RGPD3: variants seen among roughly 807,000 people sequenced by gnomAD.
RGPD3 encodes RANBP2 like and GRIP domain containing 3, also known as ranBP2-like and GRIP domain-containing protein 3.
In RGPD3, 62 loss-of-function variants were observed where a neutral mutation model predicts 154.5. That is an observed-to-expected ratio of 0.40 (90% confidence interval 0.33 to 0.50). The LOEUF is 0.50. RGPD3 is among the 20% of genes least tolerant of loss of function. The pLI is 0.59. For missense variants in RGPD3, 919 were observed against 1,716.8 expected, an observed-to-expected ratio of 0.54 and a Z score of 8.21; for synonymous variants, 308 against 607.0, an observed-to-expected ratio of 0.51 and a Z score of 7.24.
In RGPD3 at chr2:106,442,498, A is replaced by G. The variant is rs913596361; in HGVS notation, c.979-1118T>C. Among the ~76,000 whole-genome samples, 369 of 30,068 alleles carry G rather than the reference A, an allele frequency of 0.012. 13 individuals are homozygous for G. In the East Asian group the frequency reaches 0.17, roughly 14 times the overall value. The allele number at this position is 30,068 out of a possible 152,430, so 19.7% of individuals were successfully genotyped here. Reference sequence around the variant, plus strand: ...AGAGATCCTAATGCAATAACCTATGAAAAAAAAAAAAAAAGCATGATGAAT... The same window carrying G: ...AGAGATCCTAATGCAATAACCTATGGAAAAAAAAAAAAAAGCATGATGAAT... On this transcript the variant is annotated intron_variant, in intron 7 of 22. Transcript: ENST00000409886.
chr2:106,463,407 G>A (rs536000425), intron 1 of RGPD3, among the ~76,000 whole-genome samples: 601 of 151,478 alleles, frequency 4.0e-3, no homozygotes, highest in Admixed American at 0.017. Context: ...CCCGGGAGGC[G>A]GAGGTTGTGG....
intron 1 of RGPD3, among the ~76,000 whole-genome samples, chr2:106,465,383 T>C (rs1326105516): frequency 6.6e-6 from 1 of 151,792 alleles, no homozygotes; most frequent in East Asian, 2.0e-4. Context: ...AAAAAGACTC[T>C]AAGTGTAAGA....
intron 8 of RGPD3, 37 bp downstream of exon 8, chr2:106,441,256 T>G (rs1270699076): frequency 6.5e-7 from 1 of 1,545,348 alleles, no homozygotes; most frequent in Non-Finnish European, 8.8e-7. Context: ...AAATTCCTTT[T>G]TCTTTTTAAA....
chr2:106,411,870 G>A (rs1320286166), intron 22 of RGPD3, among the ~76,000 whole-genome samples: 1 of 152,034 alleles, frequency 6.6e-6, no homozygotes, highest in African/African-American at 2.4e-5. Context: ...TCAACCAAAT[G>A]CAATATATGA....
intron 20 of RGPD3, 90 bp downstream of exon 20, chr2:106,422,953 C>T (rs540003588): frequency 5.0e-6 from 8 of 1,598,760 alleles, no homozygotes; most frequent in Non-Finnish European, 6.8e-6. Flanking sequence ...TCGTTCATAT[C>T]CCAACATTAG....
intron 1 of RGPD3, among the ~76,000 whole-genome samples, chr2:106,467,589 T>A: frequency 1.8e-5 from 2 of 111,524 alleles, no homozygotes; most frequent in Admixed American, 8.6e-5. Context: ...GGAGCCATGA[T>A]GCCTGAGCCA....
chr2:106,403,730 C>T lies in RGPD3; in HGVS notation c.*1489G>A, dbSNP rs1269321726. 1.7e-3 allele frequency among the ~76,000 whole-genome samples: 261 copies of T among 152,302 alleles called. No individual in the cohort carries two copies. Among genetic ancestry groups the T allele is most frequent in the African/African-American group, 5.9e-3 (247 of 41,522 alleles). On this transcript the variant is annotated 3_prime_UTR_variant, in exon 23 of 23. Coordinates refer to ENST00000409886, the MANE Select transcript of RGPD3 (RefSeq NM_001144013.2). ...ATAGATGCATTTTCATTCATACATT[C>T]GCTAGTTAGGTCTGTTCTTCTAAGG...
intron 22 of RGPD3, among the ~76,000 whole-genome samples, chr2:106,409,130 C>G (rs9751240): frequency 2.6e-5 from 4 of 152,188 alleles, no homozygotes; most frequent in Non-Finnish European, 2.9e-5. Flanking sequence ...CTTCCAAGGA[C>G]ATGAGAGAGG....
intron 7 of RGPD3, among the ~76,000 whole-genome samples, 195 bp from the exon 8 acceptor site, chr2:106,441,575 G>T (rs1423121036): frequency 6.6e-6 from 1 of 151,666 alleles, no homozygotes. Context: ...CCAGGTACAG[G>T]CGTGGTGGCT....
chr2:106,450,692 C>A (rs1246971714), intron 6 of RGPD3, among the ~76,000 whole-genome samples: 1 of 70,964 alleles, frequency 1.4e-5, no homozygotes, highest in South Asian at 7.8e-4. Context: ...GGTGACAGAG[C>A]GAGACTCTGT....
At chr2:106,460,375 A>G (rs899002849) in intron 1 of RGPD3, among the ~76,000 whole-genome samples, 1 of 151,782 alleles carries the variant, frequency 6.6e-6, no homozygotes, top group African/African-American at 2.4e-5. Flanking sequence ...CTTAGGATCT[A>G]TTAAGGCACT....
In RGPD3 at chr2:106,423,978, C is replaced by A. The variant is rs766255889; in HGVS notation, c.3989G>T (p.Arg1330Ile). ...AACAGGTTCAAAGTACTGTCCATCT[C>A]TCTCTTCTTCTTGAGTAACATCAGA... Reference protein sequence around the residue: ...EESDVTQEEERDGQYFEPVVP... With the variant: ...EESDVTQEEEIDGQYFEPVVP... Residue 1330 changes from arginine (R) to isoleucine (I), a missense_variant, in exon 20 of 23, where the codon AGA becomes ATA. Transcript: ENST00000409886. 6 of 1,611,834 alleles carry A rather than the reference C, an allele frequency of 3.7e-6. No individual in the cohort carries two copies. In the East Asian group the frequency reaches 1.1e-4, roughly 30 times the overall value.
rs781556110 is a variant in RGPD3, at chr2:106,424,775, C to T, written c.3192G>A (p.Gly1064=). ...EEGEKVLYSQ[G]VKLFRFDAEV... ...CAGCATCAAATCTAAATAGTTTTAC[C>T]CCCTGTGAATACAGAACTTTTTCAC... Residue 1064 remains glycine, a synonymous_variant, in exon 20 of 23, where the codon GGG becomes GGA. Transcript: ENST00000409886. 2 of 1,611,632 alleles carry T rather than the reference C, an allele frequency of 1.2e-6. No homozygotes were observed.
chr2:106,462,627 G>T (rs1276075059), intron 1 of RGPD3, among the ~76,000 whole-genome samples: 1 of 152,058 alleles, frequency 6.6e-6, no homozygotes, highest in Admixed American at 6.6e-5. Flanking sequence ...AGATGTAATT[G>T]TAATTGTCCA....
At chr2:106,468,123 C>CGT (rs1477690496) in intron 1 of RGPD3, 94 bp downstream of exon 1, 1 of 1,469,476 alleles carries the variant, frequency 6.8e-7, no homozygotes, top group Non-Finnish European at 9.1e-7. Flanking sequence ...TCGTCGGGAG[C>CGT]CATGACGCCT....
chr2:106,445,367 A>G (rs1214092357), intron 7 of RGPD3, among the ~76,000 whole-genome samples: 2 of 150,442 alleles, frequency 1.3e-5, no homozygotes, highest in Non-Finnish European at 1.5e-5. Context: ...TAATGTTTGT[A>G]TTACCTAGTG....
intron 20 of RGPD3, among the ~76,000 whole-genome samples, chr2:106,421,281 A>G (rs938138725): frequency 6.6e-6 from 1 of 152,052 alleles, no homozygotes; most frequent in African/African-American, 2.4e-5. Flanking sequence ...ACAGTAGTGT[A>G]TAGGCACATT....
rs1171170861 is a variant in RGPD3 at position 106,455,065 on chromosome 2, C to T, written c.405+1906G>A. The stretch of plus-strand genomic sequence containing the variant: ...CCTGTAATCCCAGCACTTTGGGAGG[C>T]CAAAGTGGGTGGATCACCTGAGAAC... On this transcript the variant is annotated intron_variant, in intron 4 of 22. Transcript: ENST00000409886. Among the ~76,000 whole-genome samples the T allele has an allele frequency of 2.6e-5, 4 of 152,170 alleles. No homozygotes were observed. In the East Asian group the frequency reaches 7.7e-4, roughly 29 times the overall value.
intron 6 of RGPD3, among the ~76,000 whole-genome samples, chr2:106,449,466 C>CAAAAA (rs1160792236): frequency 5.3e-5 from 3 of 56,858 alleles, no homozygotes; most frequent in African/African-American, 1.4e-4. Flanking sequence ...AACTCTGTCT[C>CAAAAA]AAAAAAAAAA....
Sources: gnomAD v4.1 joint callset for allele counts (sites outside exome capture counted in the v4.1 genomes callset) on GRCh38, gnomAD v4.1.1 for gene constraint, MANE v1.5 for transcripts, NCBI Gene and HGNC (gene_info 2026-07-23, HGNC 2026-07-21) for gene names.